The following GUK1 variants were observed in gnomAD, a reference collection of about 807,000 sequenced individuals.
The protein encoded by GUK1 is guanylate kinase 1.
GUK1 carries 18 observed loss-of-function variants against 25.2 expected under a neutral mutation model. The ratio of observed to expected loss-of-function variants is 0.71; its 90% CI spans 0.49 to 1.06. The LOEUF (loss-of-function observed/expected upper bound fraction) is 1.06. Among genes scored for constraint, GUK1 ranks in the 50% least tolerant of loss-of-function variants. The pLI, the probability that GUK1 is intolerant of heterozygous loss-of-function variation, is 0.00. For missense variants in GUK1, 261 were observed against 276.7 expected (o/e 0.94, Z 0.40); for synonymous variants, 105 against 117.6 (o/e 0.89, Z 0.69).
At chr1:228,144,618 G>A (rs1345424668) in intron 2 of GUK1, 1 of 574,222 alleles carries the variant, frequency 1.7e-6, no homozygotes, top group South Asian at 7.6e-5. Flanking sequence ...AGGCCCCCTG[G>A]GGATTTATTC....
In GUK1 at chr1:228,147,535, G is replaced by T; in HGVS notation, c.381G>T (p.Leu127=). The change falls in exon 6 of 9, where the codon CTG becomes CTT. Residue 127 remains leucine, a synonymous_variant. Transcript: ENST00000312726. ...ACATCTCTGTGCAGCCGCCTTCACT[G>T]CACGTGCTGGTGTGTGCTGGGCAGG... 6.2e-7 allele frequency: 1 copy of T among 1,613,334 alleles called. No homozygotes were observed. The highest frequency in any genetic ancestry group is 8.5e-7 in the Non-Finnish European group (1 of 1,179,950).
At chr1:228,146,615 G>A (rs555845206) in intron 4 of GUK1, 456 of 561,420 alleles carry the variant, frequency 8.1e-4, no homozygotes, top group Non-Finnish European at 1.1e-3. Flanking sequence ...CTGGAACCCA[G>A]CAGTCTCGTA....
At chr1:228,141,029 CTCGGTT>C (rs2034012742) in intron 1 of GUK1, 1 of 413,666 alleles carries the variant, frequency 2.4e-6, no homozygotes, top group Non-Finnish European at 3.3e-6. Flanking sequence ...TGTGGTGGGC[CTCGGTT>C]TCGTCTTTGC....
intron 2 of GUK1, among the ~76,000 whole-genome samples, chr1:228,142,424 C>G (rs1571883511): frequency 6.6e-6 from 1 of 152,260 alleles, no homozygotes; most frequent in East Asian, 1.9e-4. Context: ...TGCCTGGCAG[C>G]AGCTGGGTGA....
At chr1:228,140,274 G>T, upstream of GUK1, 1 of 1,527,432 alleles carries the variant, frequency 6.5e-7, no homozygotes, top group African/African-American at 1.4e-5. Context: ...CTGTCACGTA[G>T]GTTCAGTGGG....
chr1:228,145,396 T>C (rs2034311772), intron 2 of GUK1, 115 bp from the exon 2 acceptor site: 1 of 1,084,428 alleles, frequency 9.2e-7, no homozygotes, highest in Non-Finnish European at 1.3e-6. Context: ...CTCAGGCCAA[T>C]GTCTCCATCC....
chr1:228,148,351 AC>A lies in GUK1; in HGVS notation c.476-16del. Reference sequence around the variant, plus strand: ...GGCTGCATGGGCTCACTGTGCCCTGACCCCAGGCCCCACCCACAGGCAAGGA... The same window carrying A: ...GGCTGCATGGGCTCACTGTGCCCTGACCCAGGCCCCACCCACAGGCAAGGA... On this transcript the variant is annotated intron_variant, in intron 7 of 8. Transcript: ENST00000312726. 2 of 1,543,016 alleles carry A rather than the reference AC, an allele frequency of 1.3e-6. No individual in the cohort carries two copies. Among genetic ancestry groups the A allele is most frequent in the Non-Finnish European group, 1.8e-6 (2 of 1,130,460 alleles).
At chr1:228,141,432 C>T (rs2034040675) in intron 2 of GUK1, 1 of 330,364 alleles carries the variant, frequency 3.0e-6, no homozygotes, top group Admixed American at 6.4e-5. Flanking sequence ...ACCCTGCAGC[C>T]AAGAGCAGCC....
chr1:228,140,205 C>T (rs1442292720), upstream of GUK1: 19 of 967,328 alleles, frequency 2.0e-5, no homozygotes, highest in Non-Finnish European at 2.9e-5. Flanking sequence ...GAGACATGGG[C>T]GGGGCAGTCG....
intron 5 of GUK1, 126 bp downstream of exon 4, chr1:228,147,064 G>A: frequency 1.4e-6 from 1 of 734,328 alleles, no homozygotes; most frequent in East Asian, 2.6e-5. Context: ...GCCAGGTTGT[G>A]GCCCAGGGCC....
intron 7 of GUK1, chr1:228,148,141 G>T (rs561504412): frequency 2.8e-4 from 176 of 637,318 alleles, no homozygotes; most frequent in Middle Eastern, 1.2e-3. Context: ...GATGGGTGCT[G>T]GTGTCCAGAC....
At chr1:228,145,786 A>G (rs1446879708) in intron 3 of GUK1, 162 bp downstream of exon 2, 3 of 841,548 alleles carry the variant, frequency 3.6e-6, no homozygotes, top group Admixed American at 5.1e-5. Context: ...AGGTTATCAC[A>G]CTCCTGCTGT....
intron 2 of GUK1, among the ~76,000 whole-genome samples, chr1:228,143,329 T>C (rs1436851705): frequency 6.6e-6 from 1 of 152,234 alleles, no homozygotes; most frequent in African/African-American, 2.4e-5. Context: ...GAAGCTCACA[T>C]GGGGTCCAGC....
At position 228,142,527 on chromosome 1, in the gene GUK1, C is replaced by T. The variant is rs563052517; in HGVS notation, c.-3+1239C>T. Among the ~76,000 whole-genome samples, 9 of 151,980 alleles carry T rather than the reference C, an allele frequency of 5.9e-5. No individual in the cohort carries two copies. In the South Asian group the frequency reaches 8.3e-4, roughly 14 times the overall value. ...GGGAGGCCTGGGAGCCTGGGCTTGG[C>T]GGGGTAAGGGTGGTGCAGGGGCAAC... On this transcript the variant is annotated intron_variant, in intron 2 of 8. Transcript: ENST00000312726.
intron 4 of GUK1, chr1:228,146,496 C>T (rs1251069694): frequency 2.2e-6 from 1 of 447,450 alleles, no homozygotes; most frequent in East Asian, 3.9e-5. Flanking sequence ...AGTCACCCCA[C>T]CACATCGTCC....
At position 228,143,241 on chromosome 1, in the gene GUK1, C is replaced by CA. The variant is rs562196472; in HGVS notation, c.-3+1953_-3+1954insA. 6.1e-3 allele frequency among the ~76,000 whole-genome samples: 929 copies of CA among 152,238 alleles called. 11 individuals are homozygous for CA. The highest frequency in any genetic ancestry group is 0.022 in the African/African-American group (899 of 41,538). ...CGGCCTTGGGGCAGCCCTGTCAGGC[C>CA]CACCAGTGCCATGCTGGTTGTGGGT... is the stretch of plus-strand genomic sequence containing the variant. On this transcript the variant is annotated intron_variant, in intron 2 of 8. Transcript: ENST00000312726.
At chr1:228,141,504 G>C in intron 2 of GUK1, 1 of 451,492 alleles carries the variant, frequency 2.2e-6, no homozygotes, top group Non-Finnish European at 3.1e-6. Flanking sequence ...GCCCACGTCT[G>C]GTGGTTTGTG....
rs375674437 is a variant in GUK1, at chr1:228,148,409, G to A, written c.514G>A (p.Asp172Asn). Residue 172 changes from aspartate (D) to asparagine (N), a missense_variant, in exon 8 of 9, where the codon GAC becomes AAC. Physicochemically the swap from Asp to Asn is conservative, Grantham distance 23. Coordinates refer to ENST00000312726, the MANE Select transcript of GUK1 (RefSeq NM_000858.7). ...CCTGTTTGATGTGGTCATCATTAAC[G>A]ACAGCCTGGACCAGGCCTACGCAGA... The A allele has an allele frequency of 1.9e-5, 30 of 1,559,878 alleles. No homozygotes were observed. The highest frequency in any genetic ancestry group is 3.7e-5 in the Admixed American group (2 of 53,770).
intron 7 of GUK1, 66 bp downstream of exon 6, chr1:228,147,765 C>T (rs919863560): frequency 1.6e-4 from 234 of 1,443,790 alleles, no homozygotes; most frequent in Non-Finnish European, 2.1e-4. Flanking sequence ...GTCTGTGGCA[C>T]CAGGGACCCT....
Sources: allele counts gnomAD v4.1 joint callset (sites outside exome capture counted in the v4.1 genomes callset), GRCh38; gene constraint gnomAD v4.1.1; transcripts MANE v1.5; gene names NCBI Gene and HGNC (gene_info 2026-07-23, HGNC 2026-07-21).